Variants in LCP1 observed in about 807,000 individuals in gnomAD.
LCP1 encodes the protein plastin-2.
LCP1 carries 23 observed loss-of-function variants against 72.0 expected under a neutral mutation model. The ratio of observed to expected loss-of-function variants is 0.32; its 90% CI spans 0.23 to 0.45. The LOEUF (loss-of-function observed/expected upper bound fraction) is 0.45. Ranked by LOEUF, LCP1 falls within the 20% of genes least tolerant of loss-of-function variation. The probability of loss-of-function intolerance (pLI) is 1.00; values close to 1 mark genes in which losing one functional copy is unlikely to be tolerated. For synonymous variants in LCP1, 245 were observed against 275.4 expected (o/e 0.89, Z 1.09); for missense variants, 571 against 748.3 (o/e 0.76, Z 2.76).
At chr13:46,150,846 G>A (rs531278662) in intron 8 of LCP1, 90 bp downstream of exon 8, 21 of 1,400,300 alleles carry the variant, frequency 1.5e-5, no homozygotes, top group African/African-American at 4.3e-5. Context: ...TCTGAAGAGA[G>A]GAAGCCCCAA....
In LCP1 at chr13:46,152,804, C is replaced by G; in HGVS notation, c.715G>C (p.Asp239His). 1 of 1,613,834 alleles carries G rather than the reference C, an allele frequency of 6.2e-7. No homozygotes were observed. Among genetic ancestry groups the G allele is most frequent in the Middle Eastern group, 1.7e-4 (1 of 5,956 alleles). The change falls in exon 7 of 16, where the codon GAC becomes CAC. Residue 239 changes from aspartate to histidine, a missense_variant. Physicochemically the swap from Asp to His is moderately conservative, Grantham distance 81. Coordinates refer to ENST00000323076, the MANE Select transcript of LCP1 (RefSeq NM_002298.5). ...CCTTCATTTCTGCTGAGTTCAATGTCAGCAAACAACCCAATCTTGATGACT... is the reference window on the plus strand; with the variant it reads ...CCTTCATTTCTGCTGAGTTCAATGTGAGCAAACAACCCAATCTTGATGACT... ...WQVIKIGLFA[D>H]IELSRNEALI...
chr13:46,165,830 T>C (rs767974003), intron 1 of LCP1, among the ~76,000 whole-genome samples: 9 of 152,238 alleles, frequency 5.9e-5, no homozygotes, highest in Non-Finnish European at 1.0e-4. Context: ...TCTGGGCTGC[T>C]AGTTTTTTGT....
At position 46,164,519 on chromosome 13, in the gene LCP1, C is replaced by G. The variant is rs558354387; in HGVS notation, c.-24-4833G>C. Among the ~76,000 whole-genome samples the G allele has an allele frequency of 1.2e-4, 18 of 152,238 alleles. 1 individual carries two copies. The South Asian group carries it at 1.5e-3, about 12-fold the overall frequency. ...GTGGAGAGGATAAACTCAGAGAAGT[C>G]AAACAGCAAGAACACCTTTAAATTT... On this transcript the variant is annotated intron_variant, in intron 1 of 15. Coordinates refer to ENST00000323076, the MANE Select transcript of LCP1 (RefSeq NM_002298.5).
intron 14 of LCP1, among the ~76,000 whole-genome samples, chr13:46,133,919 T>C (rs916665670): frequency 6.6e-6 from 1 of 152,188 alleles, no homozygotes; most frequent in South Asian, 2.1e-4. Context: ...GATGGGTTTT[T>C]ATGATTAACT....
At chr13:46,127,989 T>C (rs1039052496) in intron 15 of LCP1, among the ~76,000 whole-genome samples, 1 of 72,406 alleles carries the variant, frequency 1.4e-5, no homozygotes, top group African/African-American at 5.3e-5. Flanking sequence ...GCTCCTGCCT[T>C]TTTTTTAAGT....
rs916194832 is a variant in LCP1, at chr13:46,127,839, T to C, written c.1752-116A>G. On this transcript the variant is annotated intron_variant, in intron 15 of 15. Transcript: ENST00000323076. ...GTCAGGACAGAACTCACTCCTGCAG[T>C]GGCTGGAGTCAGTCACCAGCATCCT... is the stretch of plus-strand genomic sequence containing the variant. 5 of 1,209,414 alleles carry C rather than the reference T, an allele frequency of 4.1e-6. No individual in the cohort carries two copies. The African/African-American group carries it at 4.5e-5, about 11-fold the overall frequency. The allele number at this position is 1,209,414 out of a possible 1,614,324, so 74.9% of individuals were successfully genotyped here.
Position 46,153,776 on chromosome 13 carries a change from G to A in LCP1, c.574-831C>T, listed in dbSNP as rs2045784130. Among the ~76,000 whole-genome samples, 3 of 151,944 alleles carry A rather than the reference G, an allele frequency of 2.0e-5. No individual in the cohort carries two copies. In the South Asian group the frequency reaches 6.2e-4, roughly 32 times the overall value. ...TCCTGGAAAAGATGGAATGGTTTTT[G>A]CTAGGTTGATTTGTTGAGTATCTGT... On this transcript the variant is annotated intron_variant, in intron 6 of 15. Coordinates refer to ENST00000323076, the MANE Select transcript of LCP1 (RefSeq NM_002298.5).
chr13:46,181,802 G>T (rs532324674), intron 1 of LCP1, among the ~76,000 whole-genome samples: 1 of 152,176 alleles, frequency 6.6e-6, no homozygotes, highest in Non-Finnish European at 1.5e-5. Flanking sequence ...GTGAAATAGA[G>T]CAATAGAAAT....
At chr13:46,133,998 T>C (rs2045649039) in intron 14 of LCP1, 129 bp downstream of exon 14, 1 of 768,772 alleles carries the variant, frequency 1.3e-6, no homozygotes, top group African/African-American at 1.8e-5. Context: ...AACGAGTCAT[T>C]TAAGCAAAAT....
At chr13:46,158,766 A>C in intron 3 of LCP1, 60 bp downstream of exon 3, 1 of 1,602,384 alleles carries the variant, frequency 6.2e-7, no homozygotes, top group East Asian at 2.2e-5. Context: ...GATATTTTTT[A>C]AAACAGAATT....
chr13:46,155,365 C>G (rs950065604), intron 5 of LCP1, among the ~76,000 whole-genome samples: 1 of 152,078 alleles, frequency 6.6e-6, no homozygotes, highest in African/African-American at 2.4e-5. Context: ...TTCTCAGTGC[C>G]CTAGGCTGAG....
chr13:46,162,709 G>T (rs1408554460), intron 1 of LCP1, among the ~76,000 whole-genome samples: 2 of 152,120 alleles, frequency 1.3e-5, no homozygotes, highest in Non-Finnish European at 2.9e-5. Flanking sequence ...TGCAGCCTCT[G>T]CCCAGCCGCC....
chr13:46,130,746 C>T (rs1255767477), intron 15 of LCP1, 68 bp downstream of exon 15: 13 of 1,587,036 alleles, frequency 8.2e-6, no homozygotes, highest in Admixed American at 3.4e-5. Context: ...GAGCATTAGA[C>T]TTTACAACCA....
At chr13:46,174,814 A>G (rs1005925481) in intron 1 of LCP1, among the ~76,000 whole-genome samples, 2 of 151,238 alleles carry the variant, frequency 1.3e-5, no homozygotes, top group African/African-American at 4.9e-5. Context: ...CCTGGGCAAC[A>G]AGAGCGAAAA....
chr13:46,149,448 T>C (rs1050643322), intron 8 of LCP1, among the ~76,000 whole-genome samples: 6 of 152,228 alleles, frequency 3.9e-5, no homozygotes, highest in African/African-American at 1.4e-4. Flanking sequence ...ACCAATACCA[T>C]CTGCCTGCCC....
intron 1 of LCP1, among the ~76,000 whole-genome samples, chr13:46,180,865 G>A (rs746679275): frequency 3.3e-5 from 5 of 151,898 alleles, no homozygotes; most frequent in Non-Finnish European, 5.9e-5. Flanking sequence ...GTTCTTTTAC[G>A]GGGTTCAAGT....
intron 4 of LCP1, among the ~76,000 whole-genome samples, chr13:46,158,063 A>G (rs953501816): frequency 1.3e-5 from 2 of 152,190 alleles, no homozygotes; most frequent in Non-Finnish European, 2.9e-5. Context: ...AACGTTTTGA[A>G]TAATTCAGTT....
At chr13:46,136,074 T>TACACACACAC (rs58984200) in intron 13 of LCP1, among the ~76,000 whole-genome samples, 84 of 144,032 alleles carry the variant, frequency 5.8e-4, no homozygotes, top group Admixed American at 6.3e-4. Context: ...CATCGTGTGC[T>TACACACACAC]ACACACACAC....
Position 46,178,687 on chromosome 13 carries a change from T to C in LCP1, c.-25+3424A>G, listed in dbSNP as rs749785291. 9.3e-4 allele frequency among the ~76,000 whole-genome samples: 142 copies of C among 152,290 alleles called. 1 individual carries two copies. Among genetic ancestry groups the C allele is most frequent in the Non-Finnish European group, 1.6e-3 (112 of 68,018 alleles). ...ATTTCTGCAGTGTTCAGTATACAGA[T>C]GAAATAGTATCATTTCATTTGATAT... On this transcript the variant is annotated intron_variant, in intron 1 of 15. Transcript: ENST00000323076.
Sources: gnomAD v4.1 joint callset for allele counts (sites outside exome capture counted in the v4.1 genomes callset) on GRCh38, gnomAD v4.1.1 for gene constraint, MANE v1.5 for transcripts, NCBI Gene and HGNC (gene_info 2026-07-23, HGNC 2026-07-21) for gene names.